Variants in SENP1 observed in about 807,000 individuals in gnomAD.
SENP1 encodes the protein SUMO specific peptidase 1.
A neutral mutation model predicts 93.0 loss-of-function variants in SENP1; 21 were observed. The observed-to-expected ratio is 0.23, with a 90% CI of 0.16 to 0.33. The LOEUF (loss-of-function observed/expected upper bound fraction) is 0.33. Ranked by LOEUF, SENP1 falls within the 10% of genes least tolerant of loss-of-function variation. SENP1 has a pLI of 1.00. For missense variants in SENP1, 591 were observed against 758.7 expected, an observed-to-expected ratio of 0.78 and a Z score of 2.60; for synonymous variants, 256 against 259.6, an observed-to-expected ratio of 0.99 and a Z score of 0.13.
At chr12:48,102,423 C>T (rs1946003868) in intron 1 of SENP1, among the ~76,000 whole-genome samples, 1 of 111,304 alleles carries the variant, frequency 9.0e-6, no homozygotes, top group Admixed American at 1.1e-4. Context: ...CAGAGCAAGA[C>T]TCTGTCTCAA....
intron 4 of SENP1, among the ~76,000 whole-genome samples, chr12:48,091,174 G>A (rs188165572): frequency 6.6e-6 from 1 of 152,124 alleles, no homozygotes; most frequent in African/African-American, 2.4e-5. Context: ...TCAAGACTGG[G>A]TGTGGTAGCT....
intron 6 of SENP1, among the ~76,000 whole-genome samples, chr12:48,076,256 A>G (rs1191991751): frequency 6.6e-6 from 1 of 152,240 alleles, no homozygotes; most frequent in Non-Finnish European, 1.5e-5. Flanking sequence ...ATATTTCGAT[A>G]TGTGCTGGGA....
At chr12:48,105,502 G>T in intron 1 of SENP1, 1 of 519,092 alleles carries the variant, frequency 1.9e-6, no homozygotes. Context: ...TGGCACTAGC[G>T]ATATCACATC....
intron 5 of SENP1, 32 bp from the exon 6 acceptor site, chr12:48,083,794 C>T (rs11613879): frequency 0.078 from 116,928 of 1,501,680 alleles, 5,150 homozygotes; most frequent in Non-Finnish European, 0.083. Context: ...AAGATAAGAA[C>T]AGATAATAAG....
chr12:48,050,556 T>C (rs1218238224), intron 13 of SENP1, among the ~76,000 whole-genome samples: 1 of 152,232 alleles, frequency 6.6e-6, no homozygotes, highest in African/African-American at 2.4e-5. Context: ...ATTCTCTGCC[T>C]AGTGTGATGC....
rs771894246 is a variant in SENP1 at position 48,088,882 on chromosome 12, T to C, written c.299A>G (p.Asn100Ser). ...FGQSANGQWR[N>S]STPSSSSSLQ... ...AGATGAGCTTGACGATGGGGTAGAA[T>C]TTCTCCATTGGCCATTTGCACTCTG... The change falls in exon 5 of 18, where the codon AAT becomes AGT. Residue 100 changes from asparagine to serine, a missense_variant. Around this residue, in one of 4 missense-constraint regions of SENP1, gnomAD observed 214 missense variants for 243.4 expected, o/e 0.88. Coordinates refer to ENST00000549518, the MANE Select transcript of SENP1 (RefSeq NM_001267594.2). 2 of 1,603,598 alleles carry C rather than the reference T, an allele frequency of 1.2e-6. No homozygotes were observed. Among genetic ancestry groups the C allele is most frequent in the Non-Finnish European group, 1.7e-6 (2 of 1,174,624 alleles).
At chr12:48,064,921 C>T (rs1943193135) in intron 12 of SENP1, 144 bp downstream of exon 12, 2 of 593,902 alleles carry the variant, frequency 3.4e-6, no homozygotes, top group Admixed American at 3.0e-5. Flanking sequence ...AAGTGATCCA[C>T]CCGCTTCAGT....
intron 6 of SENP1, among the ~76,000 whole-genome samples, chr12:48,078,276 C>T (rs1171927957): frequency 8.1e-6 from 1 of 123,434 alleles, no homozygotes; most frequent in South Asian, 2.8e-4. Flanking sequence ...TACAACTATA[C>T]TGTATTCATT....
chr12:48,049,465 G>A (rs957817184), intron 13 of SENP1, among the ~76,000 whole-genome samples: 4 of 152,194 alleles, frequency 2.6e-5, no homozygotes, highest in Admixed American at 6.6e-5. Flanking sequence ...CAGAAAAGGA[G>A]AGGAAGGCAT....
At chr12:48,101,148 T>C (rs1294173699) in intron 2 of SENP1, among the ~76,000 whole-genome samples, 1 of 152,036 alleles carries the variant, frequency 6.6e-6, no homozygotes, top group Non-Finnish European at 1.5e-5. Context: ...CAGCCGGACG[T>C]GGTGGCACAT....
At chr12:48,053,389 G>C (rs1488631923) in intron 13 of SENP1, among the ~76,000 whole-genome samples, 1 of 149,936 alleles carries the variant, frequency 6.7e-6, no homozygotes, top group East Asian at 2.0e-4. Flanking sequence ...GAGGCAGGAG[G>C]ATCACTTTAG....
chr12:48,089,069 T>C (rs1441333408), intron 4 of SENP1, 109 bp from the exon 5 acceptor site: 5 of 1,539,978 alleles, frequency 3.2e-6, no homozygotes, highest in East Asian at 2.3e-5. Context: ...CATGTCACCA[T>C]TTCTCTCATG....
At chr12:48,068,139 T>A (rs1478305934) in intron 9 of SENP1, among the ~76,000 whole-genome samples, 1 of 152,148 alleles carries the variant, frequency 6.6e-6, no homozygotes, top group Non-Finnish European at 1.5e-5. Flanking sequence ...CTTCCCAAAG[T>A]GCTAGGATTA....
chr12:48,088,407 G>C, intron 5 of SENP1: 1 of 177,026 alleles, frequency 5.6e-6, no homozygotes, highest in South Asian at 1.3e-4. Context: ...CTTGACTAAT[G>C]CCATGAGGTA....
At chr12:48,086,921 C>T (rs1248912105) in intron 5 of SENP1, among the ~76,000 whole-genome samples, 1 of 152,088 alleles carries the variant, frequency 6.6e-6, no homozygotes, top group African/African-American at 2.4e-5. Context: ...CACCTGTAGT[C>T]CCAGCTACTC....
rs958163344 is a variant in SENP1 at position 48,044,502 on chromosome 12, C to T, written c.*820G>A. 6.6e-6 allele frequency: 1 copy of T among 151,840 alleles called. No individual in the cohort carries two copies. Among genetic ancestry groups the T allele is most frequent in the Non-Finnish European group, 1.5e-5 (1 of 67,988 alleles). The allele number at this position is 151,840 out of a possible 1,614,324, so 9.4% of individuals were successfully genotyped here. A position where few individuals can be genotyped will look rare whatever the true frequency, so the allele number is the denominator to read the frequency against. On this transcript the variant is annotated 3_prime_UTR_variant, in exon 18 of 18. Transcript: ENST00000549518. ...GGAATTTTATGCTAAATACTAAGGT[C>T]CTTTTTCTTCTTGGTCAGAAGTAGG...
intron 1 of SENP1, among the ~76,000 whole-genome samples, chr12:48,104,198 G>A (rs550944451): frequency 1.1e-3 from 149 of 135,112 alleles, no homozygotes; most frequent in African/African-American, 3.6e-3. Flanking sequence ...GTGACAGAGC[G>A]AGACTCTGTC....
At chr12:48,077,406 G>C (rs1944175161) in intron 6 of SENP1, among the ~76,000 whole-genome samples, 1 of 152,066 alleles carries the variant, frequency 6.6e-6, no homozygotes, top group African/African-American at 2.4e-5. Flanking sequence ...TAGTCTTAAA[G>C]TCTTTATTCC....
intron 9 of SENP1, among the ~76,000 whole-genome samples, chr12:48,068,706 C>A (rs1160626417): frequency 6.6e-6 from 1 of 152,014 alleles, no homozygotes; most frequent in African/African-American, 2.4e-5. Context: ...GAGCACCCAT[C>A]ATATGCCAAG....
Sources: gnomAD v4.1 joint callset for allele counts (sites outside exome capture counted in the v4.1 genomes callset) on GRCh38, gnomAD v4.1.1 for gene constraint, gnomAD v4.1.1 regional missense constraint, MANE v1.5 for transcripts, NCBI Gene and HGNC (gene_info 2026-07-23, HGNC 2026-07-21) for gene names.